The following LRP6 variants were observed in gnomAD, a reference collection of about 807,000 sequenced individuals.
The protein encoded by LRP6 is LDL receptor related protein 6, also known as low-density lipoprotein receptor-related protein 6.
Under a neutral mutation model 184.1 loss-of-function variants are expected in LRP6, and 43 were observed. The observed-to-expected ratio is 0.23, with a 90% CI of 0.18 to 0.30. The LOEUF (loss-of-function observed/expected upper bound fraction) is 0.30. Among genes scored for constraint, LRP6 ranks in the 10% least tolerant of loss-of-function variants. The probability of loss-of-function intolerance (pLI) is 1.00; values close to 1 mark genes in which losing one functional copy is unlikely to be tolerated. For missense variants in LRP6, 1,571 were observed against 2,005.3 expected (o/e 0.78, Z 4.14); for synonymous variants, 719 against 684.9 (o/e 1.05, Z -0.78).
At chr12:12,250,499 G>C (rs1212033969) in intron 1 of LRP6, among the ~76,000 whole-genome samples, 1 of 148,774 alleles carries the variant, frequency 6.7e-6, no homozygotes, top group Non-Finnish European at 1.5e-5. Flanking sequence ...TTTTTTTTAA[G>C]CATACTTCCT....
rs1482703462 is a variant in LRP6 at position 12,244,294 on chromosome 12, T to C, written c.417A>G (p.Gln139=). 7 of 1,614,056 alleles carry C rather than the reference T, an allele frequency of 4.3e-6. No individual in the cohort carries two copies. Among genetic ancestry groups the C allele is most frequent in the South Asian group, 3.3e-5 (3 of 91,086 alleles). The change falls in exon 2 of 23, where the codon CAA becomes CAG. Residue 139 remains glutamine (Q), a synonymous_variant. Coordinates refer to ENST00000261349, the MANE Select transcript of LRP6 (RefSeq NM_002336.3). ...RKVLFWQELD[Q]PRAIALDPSS... The stretch of plus-strand genomic sequence containing the variant: ...AAGGATCTAAGGCAATAGCTCTGGG[T>C]TGATCCAACTCTTGCCAAAATAAAA...
At chr12:12,213,172 GA>G (rs1444056659) in intron 2 of LRP6, among the ~76,000 whole-genome samples, 1 of 151,936 alleles carries the variant, frequency 6.6e-6, no homozygotes, top group Non-Finnish European at 1.5e-5. Context: ...AATGTGTGTG[GA>G]AGTATATGGG....
In LRP6 at chr12:12,147,507, C is replaced by T. The variant is rs143614295; in HGVS notation, c.3256G>A (p.Ala1086Thr). ...LQERSPKIER[A>T]ALDGTEREVL... ...TCCCGTTCTGTCCCATCCAAAGCAG[C>T]CCGTTCAATTTTAGGAGACCTTTCC... The change falls in exon 15 of 23, where the codon GCT becomes ACT. Residue 1086 changes from alanine (A) to threonine (T), a missense_variant. Ala to Thr is a moderately conservative substitution (Grantham distance 58). Around this residue, in one of 4 missense-constraint regions of LRP6, gnomAD observed 763 missense variants for 859.5 expected, o/e 0.89. Transcript: ENST00000261349. 2.0e-5 allele frequency: 33 copies of T among 1,613,860 alleles called. No individual in the cohort carries two copies. The African/African-American group carries it at 4.0e-4, about 20-fold the overall frequency.
chr12:12,232,008 A>T (rs1269723984), intron 2 of LRP6, among the ~76,000 whole-genome samples: 1 of 149,342 alleles, frequency 6.7e-6, no homozygotes, highest in East Asian at 1.9e-4. Flanking sequence ...CAAAAAAAAA[A>T]ACAAAAACAA....
At chr12:12,204,566 AT>A (rs11318465) in intron 2 of LRP6, among the ~76,000 whole-genome samples, 10,321 of 152,064 alleles carry the variant, frequency 0.068, 1,100 homozygotes, top group African/African-American at 0.23. Flanking sequence ...ACTTTTCAAA[AT>A]AAAAAATGAG....
At chr12:12,159,458 C>A (rs932734811) in intron 11 of LRP6, among the ~76,000 whole-genome samples, 5 of 152,084 alleles carry the variant, frequency 3.3e-5, no homozygotes, top group African/African-American at 9.7e-5. Flanking sequence ...TAAGGGTCTA[C>A]AGTTCACTTT....
At chr12:12,260,867 T>G (rs934903170) in intron 1 of LRP6, among the ~76,000 whole-genome samples, 1 of 152,244 alleles carries the variant, frequency 6.6e-6, no homozygotes, top group Admixed American at 6.5e-5. Flanking sequence ...CAATAGAATT[T>G]CTACGATGAA....
chr12:12,143,222 AGACCTCT>A (rs1949957827), intron 15 of LRP6, among the ~76,000 whole-genome samples: 2 of 152,228 alleles, frequency 1.3e-5, no homozygotes, highest in Admixed American at 6.5e-5. Context: ...AAGATAGGCA[AGACCTCT>A]ATGCTGAAAA....
intron 17 of LRP6, among the ~76,000 whole-genome samples, chr12:12,133,625 G>C (rs1949787748): frequency 6.6e-6 from 1 of 151,990 alleles, no homozygotes; most frequent in South Asian, 2.1e-4. Context: ...CTAATACACA[G>C]TTGTATACAT....
At chr12:12,147,885 G>A (rs1318380129) in intron 14 of LRP6, among the ~76,000 whole-genome samples, 2 of 151,932 alleles carry the variant, frequency 1.3e-5, no homozygotes, top group East Asian at 3.9e-4. Context: ...TGAGGTGGGA[G>A]GATCACTTGA....
chr12:12,165,390 A>G (rs943043444), intron 7 of LRP6, 95 bp from the exon 8 acceptor site: 84 of 865,724 alleles, frequency 9.7e-5, no homozygotes, highest in Non-Finnish European at 1.6e-4. Context: ...TAAAAATCCA[A>G]GAGTCATCTT....
In LRP6 at chr12:12,148,938, A is replaced by T; in HGVS notation, c.3206+4T>A. On this transcript the variant is annotated splice_donor_region_variant and intron_variant, in intron 14 of 22. Transcript: ENST00000261349. ...AGTATCTGAACGCCACTTTAGTAAC[A>T]TACCCTTTCTCTGGGTTTACCACAA... The T allele has an allele frequency of 6.2e-7, 1 of 1,610,768 alleles. No individual in the cohort carries two copies. The highest frequency in any genetic ancestry group is 8.5e-7 in the Non-Finnish European group (1 of 1,177,964).
At chr12:12,237,726 T>G (rs1864961130) in intron 2 of LRP6, among the ~76,000 whole-genome samples, 1 of 152,202 alleles carries the variant, frequency 6.6e-6, no homozygotes, top group Admixed American at 6.5e-5. Context: ...TGAGGAACGT[T>G]CTACAAATGA....
rs1226977656 is a variant in LRP6, at chr12:12,118,352, G to A, written c.*2774C>T. Reference sequence around the variant, plus strand: ...CCACTTCAATGCAGAATAGCTTACTGTGGTGCACACAAAGTATGTTATGCT... The same window carrying A: ...CCACTTCAATGCAGAATAGCTTACTATGGTGCACACAAAGTATGTTATGCT... On this transcript the variant is annotated 3_prime_UTR_variant, in exon 23 of 23. Coordinates refer to ENST00000261349, the MANE Select transcript of LRP6 (RefSeq NM_002336.3). 1 of 152,206 alleles carries A rather than the reference G, an allele frequency of 6.6e-6. No homozygotes were observed. Among genetic ancestry groups the A allele is most frequent in the East Asian group, 1.9e-4 (1 of 5,204 alleles). The allele number at this position is 152,206 out of a possible 1,614,324, so 9.4% of individuals were successfully genotyped here.
chr12:12,206,205 C>A (rs1178289658), intron 2 of LRP6, among the ~76,000 whole-genome samples: 1 of 152,096 alleles, frequency 6.6e-6, no homozygotes, highest in Non-Finnish European at 1.5e-5. Flanking sequence ...TACTGTTAAG[C>A]GACACATGAC....
At chr12:12,185,836 G>C (rs1298858550) in intron 4 of LRP6, among the ~76,000 whole-genome samples, 1 of 130,674 alleles carries the variant, frequency 7.7e-6, no homozygotes, top group Non-Finnish European at 1.6e-5. Context: ...TTGTGTGTGT[G>C]TGTGTTTTTT....
chr12:12,232,622 C>T (rs544260603), intron 2 of LRP6, among the ~76,000 whole-genome samples: 38 of 138,876 alleles, frequency 2.7e-4, no homozygotes, highest in Non-Finnish European at 4.6e-4. Context: ...TTTTTAAGAA[C>T]TTCAGAAAAC....
chr12:12,138,517 A>G lies in LRP6; in HGVS notation c.3415T>C (p.Leu1139=). Residue 1139 remains leucine (L), a synonymous_variant, in exon 16 of 23, where the codon TTA becomes CTA. Coordinates refer to ENST00000261349, the MANE Select transcript of LRP6 (RefSeq NM_002336.3). ...GGCTGCAAGATATTGGAGTCTTCTA[A>G]TACTATCCGGTTAGCACCTTGGAAA... is the stretch of plus-strand genomic sequence containing the variant. The part of the protein sequence containing the change: ...SDLSGANRIV[L]EDSNILQPVG... The G allele has an allele frequency of 4.3e-6, 7 of 1,613,994 alleles. No homozygotes were observed. The highest frequency in any genetic ancestry group is 5.9e-6 in the Non-Finnish European group (7 of 1,179,908).
chr12:12,177,103 C>A (rs989097342), intron 7 of LRP6, among the ~76,000 whole-genome samples: 2 of 151,984 alleles, frequency 1.3e-5, no homozygotes, highest in African/African-American at 4.8e-5. Context: ...ACCTCGGCCT[C>A]CCAAAGTACT....
Sources: gnomAD v4.1 joint callset for allele counts (sites outside exome capture counted in the v4.1 genomes callset) on GRCh38, gnomAD v4.1.1 for gene constraint, gnomAD v4.1.1 regional missense constraint, MANE v1.5 for transcripts, NCBI Gene and HGNC (gene_info 2026-07-23, HGNC 2026-07-21) for gene names.